The following RBFOX1 variants were observed in gnomAD, a reference collection of about 807,000 sequenced individuals.
RBFOX1 encodes RNA binding protein fox-1 homolog 1.
Under a neutral mutation model 57.7 loss-of-function variants are expected in RBFOX1, and 8 were observed. That is an observed-to-expected ratio of 0.14 (90% CI 0.08 to 0.25). The LOEUF (loss-of-function observed/expected upper bound fraction) is 0.25. Among genes scored for constraint, RBFOX1 ranks in the 10% least tolerant of loss-of-function variants. The pLI is 1.00. For synonymous variants in RBFOX1, 326 were observed against 222.4 expected (o/e 1.47, Z -4.15); for missense variants, 611 against 548.5 (o/e 1.11, Z -1.14).
At chr16:5,338,664 A>G (rs1369471608) in intron 1 of RBFOX1, among the ~76,000 whole-genome samples, 2 of 152,146 alleles carry the variant, frequency 1.3e-5, no homozygotes, top group African/African-American at 4.8e-5. Context: ...TTTTCTTTAG[A>G]TAGGATCTCT....
intron 5 of RBFOX1, among the ~76,000 whole-genome samples, chr16:7,530,050 A>G (rs1567686528): frequency 1.3e-5 from 2 of 150,814 alleles, no homozygotes; most frequent in Non-Finnish European, 2.9e-5. Flanking sequence ...TGAACCCTTT[A>G]AGGGAGACTG....
intron 3 of RBFOX1, among the ~76,000 whole-genome samples, chr16:7,017,686 T>C (rs765802536): frequency 2.8e-4 from 43 of 152,186 alleles, no homozygotes; most frequent in Non-Finnish European, 5.3e-4. Flanking sequence ...AGGGAAGCTT[T>C]TCCTTTTCTA....
At chr16:6,799,644 A>G (rs1020760154) in intron 3 of RBFOX1, among the ~76,000 whole-genome samples, 1 of 152,146 alleles carries the variant, frequency 6.6e-6, no homozygotes, top group Admixed American at 6.5e-5. Flanking sequence ...AGCTGCCAGT[A>G]CAGCTCGTAT....
intron 3 of RBFOX1, among the ~76,000 whole-genome samples, chr16:6,961,314 C>G (rs1598446548): frequency 6.6e-6 from 1 of 152,208 alleles, no homozygotes; most frequent in Non-Finnish European, 1.5e-5. Flanking sequence ...CAGTCCTGGC[C>G]ATGCAAGTGG....
At chr16:6,913,067 C>T (rs1039297977) in intron 3 of RBFOX1, among the ~76,000 whole-genome samples, 2 of 152,092 alleles carry the variant, frequency 1.3e-5, no homozygotes, top group Non-Finnish European at 2.9e-5. Context: ...TTGGAAAGGG[C>T]CCCAGGCAGG....
chr16:7,244,271 A>G lies in RBFOX1; in HGVS notation c.27+192173A>G, dbSNP rs978901502. Among the ~76,000 whole-genome samples, 547 of 128,730 alleles carry G rather than the reference A, an allele frequency of 4.2e-3. 1 individual carries two copies. Among genetic ancestry groups the G allele is most frequent in the Non-Finnish European group, 6.4e-3 (393 of 61,880 alleles). 84.5% of individuals were successfully genotyped at this position (128,730 alleles called of 152,430 possible). ...CCAAAAAAAAAAAAAAAAAAAAAAA[A>G]CACCCTTGGGCTTTTCATTAACTAC... On this transcript the variant is annotated intron_variant, in intron 4 of 15. Coordinates refer to ENST00000550418, the MANE Select transcript of RBFOX1 (RefSeq NM_018723.4).
intron 2 of RBFOX1, among the ~76,000 whole-genome samples, chr16:5,565,456 T>C (rs2046031967): frequency 6.6e-6 from 1 of 151,978 alleles, no homozygotes; most frequent in Admixed American, 6.6e-5. Flanking sequence ...AGAAAGCCTG[T>C]GTCTACTAAA....
intron 3 of RBFOX1, among the ~76,000 whole-genome samples, chr16:6,670,526 C>T (rs563515499): frequency 1.3e-5 from 2 of 152,112 alleles, no homozygotes; most frequent in East Asian, 1.9e-4. Flanking sequence ...TAACAGAAAA[C>T]ATACCCCCAA....
intron 2 of RBFOX1, among the ~76,000 whole-genome samples, chr16:6,497,935 AC>A (rs1238579305): frequency 6.6e-6 from 1 of 152,016 alleles, no homozygotes; most frequent in Non-Finnish European, 1.5e-5. Flanking sequence ...TAAATTAATC[AC>A]TGTTACCCAT....
intron 4 of RBFOX1, among the ~76,000 whole-genome samples, chr16:7,393,442 CA>C (rs1487766943): frequency 1.3e-5 from 2 of 152,098 alleles, no homozygotes; most frequent in Non-Finnish European, 1.5e-5. Context: ...CTTATAGGAG[CA>C]CACTTTTTAT....
chr16:5,901,610 C>A (rs937237905), intron 4 of RBFOX1, among the ~76,000 whole-genome samples: 1 of 152,148 alleles, frequency 6.6e-6, no homozygotes, highest in African/African-American at 2.4e-5. Flanking sequence ...TTCAAGCAGT[C>A]AGAGGCCTCA....
At chr16:7,652,601 T>C (rs1017193310) in intron 11 of RBFOX1, among the ~76,000 whole-genome samples, 1 of 151,996 alleles carries the variant, frequency 6.6e-6, no homozygotes, top group African/African-American at 2.4e-5. Context: ...AGAGATGGGG[T>C]TTCACCGTAT....
intron 1 of RBFOX1, among the ~76,000 whole-genome samples, chr16:5,261,771 C>G (rs192826013): frequency 2.4e-4 from 37 of 152,162 alleles, no homozygotes; most frequent in African/African-American, 8.9e-4. Context: ...AGGATGGTCT[C>G]GATCTCCTGA....
intron 4 of RBFOX1, among the ~76,000 whole-genome samples, chr16:7,058,414 C>T (rs2053155257): frequency 6.6e-6 from 1 of 152,170 alleles, no homozygotes; most frequent in Non-Finnish European, 1.5e-5. Context: ...TTGCAAAATA[C>T]ACTATTAAGA....
At chr16:7,319,786 C>G (rs35999696) in intron 4 of RBFOX1, among the ~76,000 whole-genome samples, 26,351 of 152,038 alleles carry the variant, frequency 0.17, 3,418 homozygotes, top group African/African-American at 0.37. Context: ...GTGGCTTTGA[C>G]TGCCGGCCCT....
intron 10 of RBFOX1, among the ~76,000 whole-genome samples, chr16:7,616,829 G>A (rs1032745767): frequency 9.9e-5 from 15 of 152,028 alleles, no homozygotes; most frequent in African/African-American, 3.6e-4. Context: ...ACCATGGCTG[G>A]CGCAAAAATA....
chr16:7,200,346 C>T (rs548260647), intron 4 of RBFOX1, among the ~76,000 whole-genome samples: 6 of 152,246 alleles, frequency 3.9e-5, no homozygotes, highest in South Asian at 4.2e-4. Flanking sequence ...TATGGAAGAG[C>T]CTGAATGTGA....
chr16:6,861,823 GT>G (rs35138717), intron 3 of RBFOX1, among the ~76,000 whole-genome samples: 90 of 92,454 alleles, frequency 9.7e-4, no homozygotes, highest in African/African-American at 1.2e-3. Flanking sequence ...GCGTCCCTTG[GT>G]TTTTTTTTTT....
chr16:7,037,584 A>AGC (rs2044890055), intron 3 of RBFOX1, among the ~76,000 whole-genome samples: 1 of 152,214 alleles, frequency 6.6e-6, no homozygotes, highest in African/African-American at 2.4e-5. Context: ...TACTGAATTC[A>AGC]GTTTACTTTC....
Sources: allele counts gnomAD v4.1 joint callset (sites outside exome capture counted in the v4.1 genomes callset), GRCh38; gene constraint gnomAD v4.1.1; transcripts MANE v1.5; gene names NCBI Gene and HGNC (gene_info 2026-07-23, HGNC 2026-07-21).